SNX30: variants seen among roughly 807,000 people sequenced by gnomAD.
The protein encoded by SNX30 is sorting nexin family member 30.
Under a neutral mutation model 46.4 loss-of-function variants are expected in SNX30, and 24 were observed. That is an observed-to-expected ratio of 0.52 (90% CI 0.37 to 0.73). The LOEUF is 0.73. SNX30 is among the 30% of genes least tolerant of loss of function. The pLI is 0.00. For synonymous variants in SNX30, 189 were observed against 211.5 expected (o/e 0.89, Z 0.92); for missense variants, 533 against 555.7 (o/e 0.96, Z 0.41).
At chr9:112,882,176 T>C (rs1841585544), downstream of SNX30, among the ~76,000 whole-genome samples, 1 of 152,204 alleles carries the variant, frequency 6.6e-6, no homozygotes, top group Non-Finnish European at 1.5e-5. Flanking sequence ...TCATGATCTT[T>C]GCTCATTGCA....
At chr9:112,765,995 G>A (rs1286900863) in intron 1 of SNX30, among the ~76,000 whole-genome samples, 4 of 152,074 alleles carry the variant, frequency 2.6e-5, no homozygotes, top group Non-Finnish European at 5.9e-5. Context: ...GTAGAGATGG[G>A]GTTTCACCAT....
intron 1 of SNX30, among the ~76,000 whole-genome samples, chr9:112,793,036 G>C (rs905245340): frequency 4.6e-5 from 7 of 152,074 alleles, no homozygotes; most frequent in African/African-American, 1.7e-4. Flanking sequence ...TGAGTGATGA[G>C]CTAATGCCAT....
At chr9:112,779,637 A>G (rs540248214) in intron 1 of SNX30, among the ~76,000 whole-genome samples, 30 of 152,186 alleles carry the variant, frequency 2.0e-4, no homozygotes, top group Middle Eastern at 6.8e-3. Context: ...GGAGGTTGCA[A>G]TGAGCCAAGA....
At chr9:112,880,965 C>A (rs190508940) in intron 5 of SNX30, among the ~76,000 whole-genome samples, 137 of 152,278 alleles carry the variant, frequency 9.0e-4, no homozygotes, top group African/African-American at 3.2e-3. Flanking sequence ...CCTGGAATCT[C>A]TTTCCATCTC....
intron 1 of SNX30, among the ~76,000 whole-genome samples, chr9:112,766,299 C>G (rs1338274137): frequency 6.6e-6 from 1 of 152,032 alleles, no homozygotes; most frequent in Non-Finnish European, 1.5e-5. Flanking sequence ...GGATATACCA[C>G]ATTTTGTTTA....
chr9:112,771,004 CAAAT>C (rs1839639562), intron 1 of SNX30, among the ~76,000 whole-genome samples: 1 of 152,114 alleles, frequency 6.6e-6, no homozygotes, highest in South Asian at 2.1e-4. Flanking sequence ...CAAAAACAAA[CAAAT>C]AAACAAACAA....
At chr9:112,761,693 G>A (rs1346206494) in intron 1 of SNX30, among the ~76,000 whole-genome samples, 1 of 152,078 alleles carries the variant, frequency 6.6e-6, no homozygotes, top group Non-Finnish European at 1.5e-5. Context: ...AGAGGGGGGC[G>A]CAGACCGGGA....
In SNX30 at chr9:112,787,563, T is replaced by G. The variant is rs200351557; in HGVS notation, c.157-17213T>G. On this transcript the variant is annotated intron_variant, in intron 1 of 8. Coordinates refer to ENST00000374232, the MANE Select transcript of SNX30 (RefSeq NM_001012994.2). ...CTATTTTTAGTTTAGAGAGACAGTT[T>G]AGAATCTGTCGTGATTTTTTTCCCT... is the stretch of plus-strand genomic sequence containing the variant. 1.1e-4 allele frequency among the ~76,000 whole-genome samples: 16 copies of G among 152,268 alleles called. No homozygotes were observed. In the East Asian group the frequency reaches 3.1e-3, roughly 29 times the overall value.
intron 8 of SNX30, among the ~76,000 whole-genome samples, chr9:112,866,271 C>T (rs748274895): frequency 4.0e-5 from 6 of 151,872 alleles, no homozygotes; most frequent in Non-Finnish European, 7.4e-5. Flanking sequence ...ATAATGCAGA[C>T]TAAGGGTGGG....
intron 8 of SNX30, among the ~76,000 whole-genome samples, chr9:112,865,477 G>A (rs910774949): frequency 2.0e-5 from 3 of 151,624 alleles, no homozygotes; most frequent in Non-Finnish European, 4.4e-5. Flanking sequence ...AATGAGCCAG[G>A]TGTGGTGGCG....
chr9:112,783,695 A>G (rs1034423699), intron 1 of SNX30, among the ~76,000 whole-genome samples: 1 of 152,220 alleles, frequency 6.6e-6, no homozygotes, highest in African/African-American at 2.4e-5. Context: ...TGTCAGAGCC[A>G]GGTTGCGATG....
At chr9:112,779,869 A>G (rs1450737261) in intron 1 of SNX30, among the ~76,000 whole-genome samples, 1 of 152,066 alleles carries the variant, frequency 6.6e-6, no homozygotes, top group Non-Finnish European at 1.5e-5. Flanking sequence ...TTTACACGTG[A>G]CGAAATGGGA....
chr9:112,868,653 C>A, intron 8 of SNX30, 131 bp from the exon 9 acceptor site: 1 of 859,756 alleles, frequency 1.2e-6, no homozygotes, highest in Non-Finnish European at 2.0e-6. Context: ...TTATGGATGA[C>A]ACATGCAGGC....
At chr9:112,862,162 C>T (rs890170025) in intron 7 of SNX30, among the ~76,000 whole-genome samples, 3 of 152,214 alleles carry the variant, frequency 2.0e-5, no homozygotes, top group Non-Finnish European at 4.4e-5. Context: ...CTGGGTCAGT[C>T]AGAGTTCCCA....
At chr9:112,832,031 G>C (rs1177217527) in intron 4 of SNX30, among the ~76,000 whole-genome samples, 2 of 152,176 alleles carry the variant, frequency 1.3e-5, no homozygotes, top group African/African-American at 4.8e-5. Flanking sequence ...GATAACATTA[G>C]GTGACATTAA....
In SNX30 at chr9:112,817,798, C is replaced by T. The variant is rs1160320733; in HGVS notation, c.442C>T (p.Pro148Ser). 6.2e-7 allele frequency: 1 copy of T among 1,611,446 alleles called. No homozygotes were observed. Among genetic ancestry groups the T allele is most frequent in the African/African-American group, 1.3e-5 (1 of 74,872 alleles). ...GAGGAGCAAACTGGAAGAATCCCAG[C>T]CCACTCATCTCATTCCCGTAGGTAG... ...WLRSKLEESQ[P>S]THLIPPLPEK... is the part of the protein sequence containing the mutation. Residue 148 changes from proline to serine, a missense_variant, in exon 3 of 9, where the codon CCC becomes TCC. Pro to Ser is a moderately conservative substitution (Grantham distance 74). Around this residue, in one of 3 missense-constraint regions of SNX30, gnomAD observed 81 missense variants for 124.4 expected, o/e 0.65. Transcript: ENST00000374232.
At chr9:112,828,070 T>C (rs1043394383) in intron 3 of SNX30, among the ~76,000 whole-genome samples, 1 of 152,192 alleles carries the variant, frequency 6.6e-6, no homozygotes, top group African/African-American at 2.4e-5. Context: ...AGTTATATAG[T>C]GCGTGACTAT....
chr9:112,876,546 G>A (rs1350900726), downstream of SNX30, among the ~76,000 whole-genome samples: 2 of 152,182 alleles, frequency 1.3e-5, no homozygotes, highest in African/African-American at 4.8e-5. Context: ...AGGTGGAGAT[G>A]TTGACTTGGC....
intron 7 of SNX30, among the ~76,000 whole-genome samples, chr9:112,854,695 C>G (rs1458715154): frequency 1.3e-5 from 2 of 152,218 alleles, no homozygotes; most frequent in Admixed American, 1.3e-4. Flanking sequence ...TCTGGGGCAG[C>G]AGCTGCGTTG....
Sources: gnomAD v4.1 joint callset for allele counts (sites outside exome capture counted in the v4.1 genomes callset) on GRCh38, gnomAD v4.1.1 for gene constraint, gnomAD v4.1.1 regional missense constraint, MANE v1.5 for transcripts, NCBI Gene and HGNC (gene_info 2026-07-23, HGNC 2026-07-21) for gene names.